RAD51B: variants seen among roughly 807,000 people sequenced by gnomAD.
RAD51B encodes the protein RAD51 paralog B.
RAD51B carries 38 observed loss-of-function variants against 42.2 expected under a neutral mutation model. The ratio of observed to expected loss-of-function variants is 0.90; its 90% CI spans 0.70 to 1.18. RAD51B has a LOEUF of 1.18. Ranked by LOEUF, RAD51B falls within the 50% of genes most tolerant of loss-of-function variation. RAD51B has a pLI of 0.00. For missense variants in RAD51B, 373 were observed against 400.7 expected, an observed-to-expected ratio of 0.93 and a Z score of 0.59; for synonymous variants, 154 against 145.2, an observed-to-expected ratio of 1.06 and a Z score of -0.43.
intron 11 of RAD51B, among the ~76,000 whole-genome samples, chr14:68,663,308 CAAAGAG>C (rs1167864483): frequency 1.8e-5 from 1 of 55,736 alleles, no homozygotes; most frequent in African/African-American, 5.7e-5. Flanking sequence ...ATCTCAAAAA[CAAAGAG>C]AGAGAGAGAG....
At position 68,324,897 on chromosome 14, in the gene RAD51B, G is replaced by A. The variant is rs543023689; in HGVS notation, c.853+32917G>A. 2.2e-4 allele frequency among the ~76,000 whole-genome samples: 34 copies of A among 152,250 alleles called. 1 individual carries two copies. Among genetic ancestry groups the A allele is most frequent in the Admixed American group, 5.9e-4 (9 of 15,296 alleles). On this transcript the variant is annotated intron_variant, in intron 8 of 10. Transcript: ENST00000471583. The stretch of plus-strand genomic sequence containing the variant: ...TATTAATGCAAATGAGGCTTTACCC[G>A]GCTATCCCCTCCCCTAGCATTTATG...
At chr14:68,614,558 C>T (rs760642227), downstream of RAD51B, among the ~76,000 whole-genome samples, 7 of 152,182 alleles carry the variant, frequency 4.6e-5, no homozygotes, top group Non-Finnish European at 8.8e-5. Flanking sequence ...ATTCTACTAT[C>T]CATCTCTATG....
chr14:67,846,922 C>A (rs2041636217), intron 4 of RAD51B, among the ~76,000 whole-genome samples: 1 of 152,182 alleles, frequency 6.6e-6, no homozygotes, highest in South Asian at 2.1e-4. Context: ...CCTACCACCT[C>A]TCTAAGCACC....
At chr14:68,119,309 T>A (rs1279980282) in intron 7 of RAD51B, among the ~76,000 whole-genome samples, 1 of 150,016 alleles carries the variant, frequency 6.7e-6, no homozygotes, top group Non-Finnish European at 1.5e-5. Flanking sequence ...ATTTATTTTT[T>A]ATTTTATTTT....
intron 7 of RAD51B, among the ~76,000 whole-genome samples, chr14:67,969,272 T>A (rs1021718443): frequency 6.6e-6 from 1 of 152,208 alleles, no homozygotes; most frequent in African/African-American, 2.4e-5. Flanking sequence ...GTTGCAATTG[T>A]TGGTTTCAGG....
At chr14:67,993,342 C>A (rs567100952) in intron 7 of RAD51B, among the ~76,000 whole-genome samples, 1 of 152,090 alleles carries the variant, frequency 6.6e-6, no homozygotes, top group Admixed American at 6.6e-5. Context: ...CCCTCCATCC[C>A]GCTACACTCC....
At chr14:68,195,802 G>A (rs776484501) in intron 7 of RAD51B, among the ~76,000 whole-genome samples, 9 of 151,796 alleles carry the variant, frequency 5.9e-5, no homozygotes, top group Middle Eastern at 3.4e-3. Context: ...CAGCTACTTG[G>A]GAGGCTGAGG....
chr14:67,887,218 T>C lies in RAD51B; in HGVS notation c.756+14T>C, dbSNP rs200290179. Reference sequence around the variant, plus strand: ...TTTTCAATCCCAGTAAGTTTTTCTTTTTTTCTCTTTTTTCTTTTCCTTTCT... The same window carrying C: ...TTTTCAATCCCAGTAAGTTTTTCTTCTTTTCTCTTTTTTCTTTTCCTTTCT... On this transcript the variant is annotated intron_variant, in intron 7 of 10. Coordinates refer to ENST00000471583, the MANE Select transcript of RAD51B (RefSeq NM_133510.4). 3.9e-5 allele frequency: 61 copies of C among 1,562,782 alleles called. No homozygotes were observed. In the Admixed American group the frequency reaches 1.0e-3, roughly 26 times the overall value.
chr14:67,931,892 G>A (rs955993928), intron 7 of RAD51B, among the ~76,000 whole-genome samples: 1 of 151,974 alleles, frequency 6.6e-6, no homozygotes, highest in Non-Finnish European at 1.5e-5. Flanking sequence ...GCTTTTTCAT[G>A]TTTTCTATAT....
intron 11 of RAD51B, among the ~76,000 whole-genome samples, chr14:68,653,833 G>A (rs142503217): frequency 2.6e-5 from 4 of 152,384 alleles, no homozygotes; most frequent in Admixed American, 6.5e-5. Context: ...CTATGCTGGA[G>A]AGAGGATATT....
chr14:68,123,675 G>C (rs1318241603), intron 7 of RAD51B, among the ~76,000 whole-genome samples: 1 of 152,074 alleles, frequency 6.6e-6, no homozygotes, highest in Non-Finnish European at 1.5e-5. Context: ...CGGCATGGTG[G>C]CGCACACCTG....
intron 10 of RAD51B, among the ~76,000 whole-genome samples, chr14:68,591,815 T>C (rs1351720160): frequency 6.6e-6 from 1 of 152,064 alleles, no homozygotes; most frequent in Non-Finnish European, 1.5e-5. Flanking sequence ...GGATGTGCAG[T>C]CCTGAGCCCC....
intron 10 of RAD51B, among the ~76,000 whole-genome samples, chr14:68,470,108 G>A (rs959513728): frequency 6.6e-6 from 1 of 152,238 alleles, no homozygotes; most frequent in East Asian, 1.9e-4. Flanking sequence ...AGGGGAGAAA[G>A]TGGATCACTA....
At chr14:68,360,530 G>A (rs896843966) in intron 8 of RAD51B, among the ~76,000 whole-genome samples, 10 of 152,190 alleles carry the variant, frequency 6.6e-5, no homozygotes, top group African/African-American at 2.4e-4. Flanking sequence ...CTGGGCATGT[G>A]CCATGTACTA....
chr14:67,838,866 T>A (rs2041335941), intron 4 of RAD51B, among the ~76,000 whole-genome samples: 1 of 152,054 alleles, frequency 6.6e-6, no homozygotes, highest in Non-Finnish European at 1.5e-5. Flanking sequence ...AATAAAGAAC[T>A]TTCCTCCATT....
intron 7 of RAD51B, among the ~76,000 whole-genome samples, chr14:67,986,859 G>C (rs2075203317): frequency 6.6e-6 from 1 of 152,140 alleles, no homozygotes; most frequent in South Asian, 2.1e-4. Flanking sequence ...GGCCTCCTGA[G>C]TAGCTGTGAC....
chr14:68,199,232 A>G (rs1286502861), intron 7 of RAD51B, among the ~76,000 whole-genome samples: 1 of 152,214 alleles, frequency 6.6e-6, no homozygotes, highest in African/African-American at 2.4e-5. Flanking sequence ...ACCAGTGCAG[A>G]GCACAGAAAG....
At chr14:68,552,385 C>G (rs1199840586) in intron 10 of RAD51B, among the ~76,000 whole-genome samples, 1 of 152,172 alleles carries the variant, frequency 6.6e-6, no homozygotes, top group African/African-American at 2.4e-5. Flanking sequence ...ATCAACAGCA[C>G]CTTTCCTTCA....
chr14:67,829,803 G>A (rs1194330638), intron 3 of RAD51B, among the ~76,000 whole-genome samples: 1 of 152,166 alleles, frequency 6.6e-6, no homozygotes, highest in Non-Finnish European at 1.5e-5. Flanking sequence ...TCTAGTGGGG[G>A]AAGCCAGACA....
Sources: allele counts gnomAD v4.1 joint callset (sites outside exome capture counted in the v4.1 genomes callset), GRCh38; gene constraint gnomAD v4.1.1; transcripts MANE v1.5; gene names NCBI Gene and HGNC (gene_info 2026-07-23, HGNC 2026-07-21).